CCL2: variants seen among roughly 807,000 people sequenced by gnomAD.
CCL2 encodes the protein C-C motif chemokine ligand 2, also known as C-C motif chemokine 2.
Under a neutral mutation model 6.7 loss-of-function variants are expected in CCL2, and 2 were observed. The observed-to-expected ratio is 0.30, with a 90% CI of 0.12 to 0.94. The LOEUF (loss-of-function observed/expected upper bound fraction) is 0.94. CCL2 is among the 40% of genes least tolerant of loss of function. CCL2 has a pLI of 0.54. For missense variants in CCL2, 89 were observed against 119.3 expected, an observed-to-expected ratio of 0.75 and a Z score of 1.18; for synonymous variants, 43 against 45.2, an observed-to-expected ratio of 0.95 and a Z score of 0.19.
chr17:34,256,501 C>T (rs1907690621), intron 2 of CCL2, 162 bp downstream of exon 2: 3 of 631,248 alleles, frequency 4.8e-6, no homozygotes, highest in South Asian at 2.0e-5. Context: ...ACCCCAACAT[C>T]ACTCTCCACC....
intron 2 of CCL2, 150 bp from the exon 3 acceptor site, chr17:34,256,572 A>C (rs1306142596): frequency 1.3e-5 from 8 of 624,580 alleles, no homozygotes; most frequent in Non-Finnish European, 2.3e-5. Flanking sequence ...CTCCACCTGG[A>C]CACCTATAGG....
At chr17:34,255,624 C>T (rs1907662940) in intron 1 of CCL2, 199 bp downstream of exon 1, 1 of 550,292 alleles carries the variant, frequency 1.8e-6, no homozygotes, top group Non-Finnish European at 3.2e-6. Context: ...AGCTGTGAAC[C>T]CCAAATCCAG....
At position 34,256,911 on chromosome 17, in the gene CCL2, T is replaced by A. The variant is rs1907706640; in HGVS notation, c.*84T>A. ...GACACCCTGTTTTATTTTATTATAA[T>A]GAATTTTGTTTGTTGATGTGAAACA... On this transcript the variant is annotated 3_prime_UTR_variant, in exon 3 of 3. Transcript: ENST00000225831. The A allele has an allele frequency of 2.6e-6, 2 of 769,848 alleles. No individual in the cohort carries two copies. Among genetic ancestry groups the A allele is most frequent in the Non-Finnish European group, 4.3e-6 (2 of 466,274 alleles). 47.7% of individuals were successfully genotyped at this position (769,848 alleles called of 1,614,324 possible). A position where few individuals can be genotyped will look rare whatever the true frequency, so the allele number is the denominator to read the frequency against.
intron 1 of CCL2, 97 bp downstream of exon 1, chr17:34,255,522 C>T: frequency 3.7e-6 from 4 of 1,068,846 alleles, no homozygotes; most frequent in Admixed American, 2.0e-5. Flanking sequence ...CTTGCTTTAA[C>T]GCTACTTTTC....
In CCL2 at chr17:34,256,372, A is replaced by G. The variant is rs371894050; in HGVS notation, c.194+33A>G. The stretch of plus-strand genomic sequence containing the variant: ...CAGCACACCAACCTTCCCTGGCCTG[A>G]AGTTCTTCCTTGTGGAGCAAGGGAC... On this transcript the variant is annotated intron_variant, in intron 2 of 2. Transcript: ENST00000225831. 1.1e-5 allele frequency: 15 copies of G among 1,392,990 alleles called. No individual in the cohort carries two copies. In the African/African-American group the frequency reaches 2.1e-4, roughly 20 times the overall value. 86.3% of individuals were successfully genotyped at this position (1,392,990 alleles called of 1,614,324 possible).
chr17:34,255,982 C>T (rs372405690), intron 1 of CCL2: 3 of 208,342 alleles, frequency 1.4e-5, no homozygotes, highest in East Asian at 2.4e-4. Flanking sequence ...GCTTTAACAG[C>T]TCCTCCTTCT....
rs1399889805 is a variant in CCL2, at chr17:34,256,209, G to T, written c.77-13G>T. On this transcript the variant is annotated splice_polypyrimidine_tract_variant and intron_variant, in intron 1 of 2. Coordinates refer to ENST00000225831, the MANE Select transcript of CCL2 (RefSeq NM_002982.4). Reference sequence around the variant, plus strand: ...CATCCTAAAATGCTTTTTCTTTGTGGTTTATTTTCCAGATGCAATCAATGC... The same window carrying T: ...CATCCTAAAATGCTTTTTCTTTGTGTTTTATTTTCCAGATGCAATCAATGC... 2 of 1,557,136 alleles carry T rather than the reference G, an allele frequency of 1.3e-6. No homozygotes were observed. The highest frequency in any genetic ancestry group is 1.4e-5 in the African/African-American group (1 of 73,222).
At position 34,256,728 on chromosome 17, in the gene CCL2, G is replaced by A; in HGVS notation, c.201G>A (p.Lys67=). ...CTGTCCTCCCTCCCCACAGCTTCAA[G>A]ACCATTGTGGCCAAGGAGATCTGTG... ...SKCPKEAVIF[K]TIVAKEICAD... Residue 67 remains lysine, a synonymous_variant, in exon 3 of 3, where the codon AAG becomes AAA. Coordinates refer to ENST00000225831, the MANE Select transcript of CCL2 (RefSeq NM_002982.4). The A allele has an allele frequency of 6.2e-7, 1 of 1,611,316 alleles. No individual in the cohort carries two copies.
chr17:34,255,753 G>A, intron 1 of CCL2: 1 of 316,394 alleles, frequency 3.2e-6, no homozygotes, highest in Non-Finnish European at 5.8e-6. Context: ...GCTGTTTCCA[G>A]ACACGCTGGA....
rs1343165032 is a variant in CCL2, at chr17:34,255,455, A to G, written c.76+30A>G. The G allele has an allele frequency of 4.5e-6, 7 of 1,571,252 alleles. No individual in the cohort carries two copies. In the South Asian group the frequency reaches 5.5e-5, roughly 12 times the overall value. ...GGCCCCCTCTTCTTCTCCTTGAACC[A>G]CATTGTCTTCTCTCTGAGTTATCAT... is the stretch of plus-strand genomic sequence containing the variant. On this transcript the variant is annotated intron_variant, in intron 1 of 2. Coordinates refer to ENST00000225831, the MANE Select transcript of CCL2 (RefSeq NM_002982.4).
At chr17:34,256,664 C>T (rs989647772) in intron 2 of CCL2, 58 bp from the exon 3 acceptor site, 1 of 1,222,146 alleles carries the variant, frequency 8.2e-7, no homozygotes, top group African/African-American at 1.5e-5. Flanking sequence ...GAATGGGCTG[C>T]ACTTCTAGAC....
At chr17:34,256,030 C>T in intron 1 of CCL2, 192 bp from the exon 2 acceptor site, 1 of 551,434 alleles carries the variant, frequency 1.8e-6, no homozygotes, top group South Asian at 2.3e-5. Context: ...CATTTTACAG[C>T]ATAGGAAACT....
rs1373928070 is a variant in CCL2 at position 34,255,304 on chromosome 17, A to G, written c.-46A>G. 6 of 1,570,322 alleles carry G rather than the reference A, an allele frequency of 3.8e-6. No homozygotes were observed. Among genetic ancestry groups the G allele is most frequent in the Non-Finnish European group, 5.3e-6 (6 of 1,141,298 alleles). The stretch of plus-strand genomic sequence containing the variant: ...GGAACCGAGAGGCTGAGACTAACCC[A>G]GAAACATCCAATTCTCAAACTGAAG... On this transcript the variant is annotated 5_prime_UTR_variant, in exon 1 of 3. Transcript: ENST00000225831.
intron 1 of CCL2, chr17:34,255,742 G>A (rs891617917): frequency 2.6e-5 from 9 of 343,544 alleles, no homozygotes; most frequent in Admixed American, 1.4e-4. Context: ...TGGGTGTGTA[G>A]GCTGTTTCCA....
rs1907707334 is a variant in CCL2, at chr17:34,256,951, A to G, written c.*124A>G. The stretch of plus-strand genomic sequence containing the variant: ...GATGTGAAACATTATGCCTTAAGTA[A>G]TGTTAATTCTTATTTAAGTTATTGA... On this transcript the variant is annotated 3_prime_UTR_variant, in exon 3 of 3. Coordinates refer to ENST00000225831, the MANE Select transcript of CCL2 (RefSeq NM_002982.4). 1.7e-6 allele frequency: 1 copy of G among 579,284 alleles called. No homozygotes were observed. Among genetic ancestry groups the G allele is most frequent in the Non-Finnish European group, 3.1e-6 (1 of 319,738 alleles). 35.9% of individuals were successfully genotyped at this position (579,284 alleles called of 1,614,324 possible). A position where few individuals can be genotyped will look rare whatever the true frequency, so the allele number is the denominator to read the frequency against.
Position 34,255,419 on chromosome 17 carries a change from C to T in CCL2, c.70C>T (p.Gln24Ter). The T allele has an allele frequency of 6.2e-7, 1 of 1,613,780 alleles. No homozygotes were observed. Among genetic ancestry groups the T allele is most frequent in the Non-Finnish European group, 8.5e-7 (1 of 1,179,712 alleles). Residue 24 changes from glutamine (Q) to a stop codon, truncating the protein, a stop_gained, in exon 1 of 3, where the codon CAG (glutamine) becomes TAG (stop). Coordinates refer to ENST00000225831, the MANE Select transcript of CCL2 (RefSeq NM_002982.4). LOFTEE classifies it high-confidence loss of function. The stretch of plus-strand genomic sequence containing the variant: ...CACCTTCATTCCCCAAGGGCTCGCT[C>T]AGCCAGGTAAGGCCCCCTCTTCTTC... ...AATFIPQGLA[Q>*]PDAINAPVTC...
intron 1 of CCL2, 139 bp downstream of exon 1, chr17:34,255,564 G>A (rs940907919): frequency 1.4e-6 from 1 of 690,186 alleles, no homozygotes; most frequent in African/African-American, 1.8e-5. Context: ...AGGACAAGGG[G>A]TGAGCCCAAC....
rs1014914592 is a variant in CCL2, at chr17:34,256,582, G to A, written c.195-140G>A. The A allele has an allele frequency of 7.8e-6, 5 of 639,612 alleles. No homozygotes were observed. The Admixed American group carries it at 1.1e-4, about 15-fold the overall frequency. The allele number at this position is 639,612 out of a possible 1,614,324, so 39.6% of individuals were successfully genotyped here. A position where few individuals can be genotyped will look rare whatever the true frequency, so the allele number is the denominator to read the frequency against. ...GATGGCTCCACCTGGACACCTATAG[G>A]AGCAGTTTGCCCTGGGTTCCCTCCT... On this transcript the variant is annotated intron_variant, in intron 2 of 2. Coordinates refer to ENST00000225831, the MANE Select transcript of CCL2 (RefSeq NM_002982.4).
chr17:34,255,561 G>A (rs992953050), intron 1 of CCL2, 136 bp downstream of exon 1: 3 of 703,192 alleles, frequency 4.3e-6, no homozygotes, highest in African/African-American at 1.8e-5. Context: ...AAAAGGACAA[G>A]GGGTGAGCCC....
Sources: gnomAD v4.1 joint callset for allele counts on GRCh38, gnomAD v4.1.1 for gene constraint, MANE v1.5 for transcripts, NCBI Gene and HGNC (gene_info 2026-07-23, HGNC 2026-07-21) for gene names.